The following LUZP2 variants were observed in gnomAD, a reference collection of about 807,000 sequenced individuals.
LUZP2 encodes leucine zipper protein 2.
A neutral mutation model predicts 51.6 loss-of-function variants in LUZP2; 52 were observed. That is an observed-to-expected ratio of 1.01 (90% CI 0.81 to 1.27). The LOEUF (loss-of-function observed/expected upper bound fraction) is 1.27. LUZP2 is among the 50% of genes most tolerant of loss of function. The probability of loss-of-function intolerance (pLI) is 0.00; values close to 1 mark genes in which losing one functional copy is unlikely to be tolerated. For missense variants in LUZP2, 436 were observed against 395.4 expected (o/e 1.10, Z -0.87); for synonymous variants, 154 against 137.3 (o/e 1.12, Z -0.85).
intron 1 of LUZP2, among the ~76,000 whole-genome samples, chr11:24,702,309 AC>A (rs1420841163): frequency 3.3e-5 from 5 of 152,368 alleles, no homozygotes; most frequent in African/African-American, 1.2e-4. Context: ...AGAATTGTGT[AC>A]AAAGTGAAAT....
intron 5 of LUZP2, chr11:24,785,980 A>G: frequency 1.0e-6 from 1 of 985,326 alleles, no homozygotes; most frequent in Non-Finnish European, 1.2e-6. Flanking sequence ...TTGGACTTAC[A>G]AGCTTCACAT....
intron 1 of LUZP2, among the ~76,000 whole-genome samples, chr11:24,577,605 GA>G (rs1242154202): frequency 1.3e-5 from 2 of 150,702 alleles, no homozygotes; most frequent in Non-Finnish European, 3.0e-5. Context: ...ATAAAAAGAG[GA>G]AAAAGAAAGA....
chr11:24,761,684 T>G (rs1859984924), intron 4 of LUZP2, among the ~76,000 whole-genome samples: 1 of 152,294 alleles, frequency 6.6e-6, no homozygotes, highest in South Asian at 2.1e-4. Flanking sequence ...TGCCTCGTTC[T>G]TCACCTTGAT....
chr11:24,753,017 G>A (rs1266983926), intron 4 of LUZP2, among the ~76,000 whole-genome samples: 1 of 151,946 alleles, frequency 6.6e-6, no homozygotes, highest in Non-Finnish European at 1.5e-5. Flanking sequence ...ATTAATGTCT[G>A]CCACATAAAA....
In LUZP2 at chr11:24,607,341, C is replaced by CTTTTTTTTTT. The variant is rs57741208; in HGVS notation, c.62+110056_62+110065dup. Among the ~76,000 whole-genome samples the CTTTTTTTTTT allele has an allele frequency of 5.5e-4, 35 of 63,406 alleles. 2 individuals are homozygous for CTTTTTTTTTT. The highest frequency in any genetic ancestry group is 1.2e-3 in the African/African-American group (21 of 18,232). The allele number at this position is 63,406 out of a possible 152,430, so 41.6% of individuals were successfully genotyped here. ...GTGGTATAAGATGGGGATATTATGT[C>CTTTTTTTTTT]TTTTTTTTTTTTTTTTTTTTTTTTT... is the stretch of plus-strand genomic sequence containing the variant. On this transcript the variant is annotated intron_variant, in intron 1 of 11. Transcript: ENST00000336930.
At chr11:24,853,436 C>T (rs1851456435) in intron 5 of LUZP2, among the ~76,000 whole-genome samples, 1 of 151,936 alleles carries the variant, frequency 6.6e-6, no homozygotes, top group Admixed American at 6.6e-5. Flanking sequence ...CTGTATGCTT[C>T]ATGAAGTTCT....
intron 5 of LUZP2, among the ~76,000 whole-genome samples, chr11:24,792,380 T>A (rs908097554): frequency 6.6e-6 from 1 of 151,734 alleles, no homozygotes; most frequent in Non-Finnish European, 1.5e-5. Context: ...TGAGCCAAGA[T>A]TGCACCACTG....
At chr11:24,796,358 T>C (rs1267367371) in intron 5 of LUZP2, among the ~76,000 whole-genome samples, 1 of 152,158 alleles carries the variant, frequency 6.6e-6, no homozygotes, top group African/African-American at 2.4e-5. Flanking sequence ...TAGTGTGTTC[T>C]TGGTTTTGTT....
In LUZP2 at chr11:24,602,264, A is replaced by ATG. The variant is rs1479741032; in HGVS notation, c.62+104961_62+104962dup. ...TATATGTATATATATGCAAACATAT[A>ATG]TGTACATACATATATACACACATAT... is the stretch of plus-strand genomic sequence containing the variant. On this transcript the variant is annotated intron_variant, in intron 1 of 11. Transcript: ENST00000336930. Among the ~76,000 whole-genome samples, 286 of 135,220 alleles carry ATG rather than the reference A, an allele frequency of 2.1e-3. 2 individuals carry two copies. Among genetic ancestry groups the ATG allele is most frequent in the African/African-American group, 5.9e-3 (195 of 33,124 alleles). The allele number at this position is 135,220 out of a possible 152,430, so 88.7% of individuals were successfully genotyped here. A position where few individuals can be genotyped will look rare whatever the true frequency, so the allele number is the denominator to read the frequency against.
chr11:24,736,243 A>G (rs1473155132), intron 3 of LUZP2, among the ~76,000 whole-genome samples: 2 of 152,000 alleles, frequency 1.3e-5, no homozygotes, highest in East Asian at 1.9e-4. Flanking sequence ...TTGTAAAAAT[A>G]TTCATACATA....
In LUZP2 at chr11:25,050,490, G is replaced by C. The variant is rs12291556; in HGVS notation, c.858+360G>C. On this transcript the variant is annotated intron_variant, in intron 10 of 11. Transcript: ENST00000336930. ...CGGCTAATTTTTTGTATTTTTGGTA[G>C]AGACGGGGTTTCACCGTGTTAACCA... 1.5e-3 allele frequency among the ~76,000 whole-genome samples: 234 copies of C among 151,976 alleles called. 3 individuals are homozygous for C. Among genetic ancestry groups the C allele is most frequent in the Admixed American group, 1.1e-3 (17 of 15,240 alleles).
Position 24,818,086 on chromosome 11 carries a change from A to G in LUZP2, c.396+54778A>G, listed in dbSNP as rs149274869. Among the ~76,000 whole-genome samples, 19 of 152,124 alleles carry G rather than the reference A, an allele frequency of 1.2e-4. 1 individual carries two copies. The East Asian group carries it at 3.5e-3, about 28-fold the overall frequency. ...AAGCTCTTTGAGTTGCAGCAACTTG[A>G]TTTTTTTAAAAACAACTTTGGTGCT... On this transcript the variant is annotated intron_variant, in intron 5 of 11. Transcript: ENST00000336930.
chr11:24,752,526 T>C (rs1179246367), intron 4 of LUZP2, among the ~76,000 whole-genome samples: 1 of 152,150 alleles, frequency 6.6e-6, no homozygotes, highest in African/African-American at 2.4e-5. Flanking sequence ...CTTGGCCAAT[T>C]TAGTTTTTCC....
chr11:25,069,232 G>A (rs965309320), intron 10 of LUZP2, among the ~76,000 whole-genome samples: 3 of 151,834 alleles, frequency 2.0e-5, no homozygotes, highest in Admixed American at 6.6e-5. Context: ...ATCTTTGAAC[G>A]ATCCCAAATT....
chr11:24,999,082 T>A (rs1452435236), intron 9 of LUZP2, among the ~76,000 whole-genome samples: 1 of 152,198 alleles, frequency 6.6e-6, no homozygotes, highest in Non-Finnish European at 1.5e-5. Context: ...TGAGCCCTTA[T>A]CACATTTCAT....
chr11:24,729,585 C>G (rs973844035), intron 2 of LUZP2, among the ~76,000 whole-genome samples: 1 of 151,782 alleles, frequency 6.6e-6, no homozygotes, highest in African/African-American at 2.4e-5. Context: ...AAATTATGAT[C>G]AAGACTTAAA....
At chr11:24,758,827 G>C (rs193262693) in intron 4 of LUZP2, among the ~76,000 whole-genome samples, 1 of 151,792 alleles carries the variant, frequency 6.6e-6, no homozygotes, top group African/African-American at 2.4e-5. Flanking sequence ...CTCACATTTG[G>C]TAAGTCTATA....
intron 10 of LUZP2, among the ~76,000 whole-genome samples, chr11:25,054,031 C>T (rs950803639): frequency 1.3e-5 from 2 of 152,200 alleles, no homozygotes; most frequent in African/African-American, 4.8e-5. Context: ...AGTCCATATT[C>T]GGCCTCCAGA....
At chr11:24,752,293 G>A (rs1369684961) in intron 4 of LUZP2, among the ~76,000 whole-genome samples, 1 of 152,154 alleles carries the variant, frequency 6.6e-6, no homozygotes, top group Admixed American at 6.6e-5. Context: ...GACTTCTTAA[G>A]ATTGTTAATG....
Sources: allele counts gnomAD v4.1 joint callset (sites outside exome capture counted in the v4.1 genomes callset), GRCh38; gene constraint gnomAD v4.1.1; transcripts MANE v1.5; gene names NCBI Gene and HGNC (gene_info 2026-07-23, HGNC 2026-07-21).